Variants in PRKCE observed in about 807,000 individuals in gnomAD.
PRKCE encodes protein kinase C epsilon.
A neutral mutation model predicts 85.4 loss-of-function variants in PRKCE; 16 were observed. The ratio of observed to expected loss-of-function variants is 0.19; its 90% confidence interval spans 0.13 to 0.28. The LOEUF (loss-of-function observed/expected upper bound fraction) is 0.28. PRKCE is among the 10% of genes least tolerant of loss of function. PRKCE has a pLI of 1.00. For missense variants in PRKCE, 573 were observed against 975.2 expected (o/e 0.59, Z 5.49); for synonymous variants, 388 against 371.5 (o/e 1.04, Z -0.51).
chr2:46,016,290 C>T (rs1706137560), intron 10 of PRKCE, among the ~76,000 whole-genome samples: 2 of 152,124 alleles, frequency 1.3e-5, no homozygotes, highest in Admixed American at 6.5e-5. Context: ...AAGCTCTACT[C>T]TCTTGTGAAG....
rs1340743012 is a variant in PRKCE at position 45,697,070 on chromosome 2, G to A, written c.348+44622G>A. Among the ~76,000 whole-genome samples the A allele has an allele frequency of 1.3e-5, 2 of 152,216 alleles. No individual in the cohort carries two copies. Among genetic ancestry groups the A allele is most frequent in the Non-Finnish European group, 2.9e-5 (2 of 68,044 alleles). ...CAAACCTTTTTGTGACTACATTAAT[G>A]TCCATGGTAATATTAAAGATTATCC... On this transcript the variant is annotated intron_variant, in intron 1 of 14. Transcript: ENST00000306156. The surrounding 1 kb of genome is among the most constrained non-coding windows in gnomAD (Gnocchi z 4.2).
At chr2:46,123,337 T>A (rs1417232231) in intron 11 of PRKCE, among the ~76,000 whole-genome samples, 1 of 149,438 alleles carries the variant, frequency 6.7e-6, no homozygotes, top group Non-Finnish European at 1.5e-5. Flanking sequence ...TGTGGGGCAG[T>A]AGCTGACAAG....
intron 1 of PRKCE, among the ~76,000 whole-genome samples, chr2:45,655,590 C>A (rs1675339309): frequency 6.6e-6 from 1 of 152,010 alleles, no homozygotes; most frequent in Non-Finnish European, 1.5e-5. Flanking sequence ...ACTTGGGAGG[C>A]TGAGCTGGGA....
chr2:45,796,603 C>G (rs569097644), intron 1 of PRKCE, among the ~76,000 whole-genome samples: 43 of 152,278 alleles, frequency 2.8e-4, no homozygotes, highest in South Asian at 8.3e-4. Flanking sequence ...ACTTCACCTT[C>G]TCCACCTGCA....
chr2:45,947,439 A>G (rs982040306), intron 2 of PRKCE, among the ~76,000 whole-genome samples: 6 of 152,234 alleles, frequency 3.9e-5, no homozygotes, highest in Admixed American at 3.3e-4. Context: ...ATACAAAACC[A>G]GTGATGGTAT....
At chr2:46,009,166 C>T (rs1339181573) in intron 9 of PRKCE, among the ~76,000 whole-genome samples, 1 of 152,174 alleles carries the variant, frequency 6.6e-6, no homozygotes, top group Non-Finnish European at 1.5e-5. Flanking sequence ...AAAGGAATCA[C>T]GTTTCCAGCT....
At chr2:45,673,979 T>C (rs996254224) in intron 1 of PRKCE, among the ~76,000 whole-genome samples, 2 of 152,244 alleles carry the variant, frequency 1.3e-5, no homozygotes, top group African/African-American at 4.8e-5. Flanking sequence ...CTCTTGCTCC[T>C]TCTGTTCACA....
Position 45,765,492 on chromosome 2 carries a change from A to G in PRKCE, c.349-77508A>G, listed in dbSNP as rs373249935. Reference sequence around the variant, plus strand: ...TTCTCAAATTCTACTACCTCCCTGCAGGGCTGTTGTGCTGTGTGTAGCAAT... The same window carrying G: ...TTCTCAAATTCTACTACCTCCCTGCGGGGCTGTTGTGCTGTGTGTAGCAAT... On this transcript the variant is annotated intron_variant, in intron 1 of 14. Transcript: ENST00000306156. 4.6e-5 allele frequency among the ~76,000 whole-genome samples: 7 copies of G among 152,346 alleles called. No homozygotes were observed. The South Asian group carries it at 6.2e-4, about 14-fold the overall frequency.
intron 10 of PRKCE, among the ~76,000 whole-genome samples, chr2:46,027,393 A>AGG (rs1419143063): frequency 1.3e-5 from 2 of 152,150 alleles, no homozygotes; most frequent in Non-Finnish European, 2.9e-5. Context: ...AAGTCCAAAT[A>AGG]GGGACTGAAT....
At chr2:46,048,510 C>G (rs530248904) in intron 10 of PRKCE, among the ~76,000 whole-genome samples, 6 of 152,220 alleles carry the variant, frequency 3.9e-5, no homozygotes, top group Non-Finnish European at 5.9e-5. Context: ...TCCTACCGAG[C>G]AGATGACTTT....
chr2:46,106,158 G>T (rs1225257650), intron 11 of PRKCE, among the ~76,000 whole-genome samples: 2 of 152,018 alleles, frequency 1.3e-5, no homozygotes, highest in Non-Finnish European at 2.9e-5. Flanking sequence ...ATGTATTAGT[G>T]GACCTATGTA....
At chr2:45,999,437 A>G (rs1704486929) in intron 6 of PRKCE, among the ~76,000 whole-genome samples, 1 of 151,894 alleles carries the variant, frequency 6.6e-6, no homozygotes, top group South Asian at 2.1e-4. Context: ...GAGAGGTTGG[A>G]TGTAATTCTT....
At chr2:45,798,625 A>C (rs1474424104) in intron 1 of PRKCE, among the ~76,000 whole-genome samples, 1 of 152,200 alleles carries the variant, frequency 6.6e-6, no homozygotes, top group Non-Finnish European at 1.5e-5. Context: ...CAAAATATCA[A>C]GTTCAAGTTG....
At chr2:45,886,411 G>A (rs556959206) in intron 2 of PRKCE, among the ~76,000 whole-genome samples, 1 of 152,300 alleles carries the variant, frequency 6.6e-6, no homozygotes, top group East Asian at 1.9e-4. Flanking sequence ...GTGTGAAGAG[G>A]ATTTGCTTAG....
intron 11 of PRKCE, among the ~76,000 whole-genome samples, chr2:46,100,118 T>C (rs568270448): frequency 1.3e-5 from 2 of 152,316 alleles, no homozygotes; most frequent in South Asian, 4.1e-4. Flanking sequence ...GGGAATGCCT[T>C]GAAGAGCATC....
At chr2:45,693,628 G>A (rs984261236) in intron 1 of PRKCE, among the ~76,000 whole-genome samples, 6 of 152,182 alleles carry the variant, frequency 3.9e-5, no homozygotes, top group Admixed American at 1.3e-4. Flanking sequence ...GGATCTGACA[G>A]CTGATGTTCT....
At chr2:46,052,805 A>G (rs770521296) in intron 10 of PRKCE, among the ~76,000 whole-genome samples, 3 of 152,382 alleles carry the variant, frequency 2.0e-5, no homozygotes, top group Middle Eastern at 3.4e-3. Context: ...AGCACAGGAC[A>G]TATAGGTCAA....
rs1316378294 is a variant in PRKCE, at chr2:46,138,100, T to C, written c.1593-6993T>C. Among the ~76,000 whole-genome samples the C allele has an allele frequency of 6.6e-6, 1 of 152,188 alleles. No homozygotes were observed. The highest frequency in any genetic ancestry group is 2.4e-5 in the African/African-American group (1 of 41,442). The stretch of plus-strand genomic sequence containing the variant: ...TTTATAGAATATTTTAAAAGTACAT[T>C]GTTTAGGGAATTTCCTTTCTTGTCA... On this transcript the variant is annotated intron_variant, in intron 11 of 14. Coordinates refer to ENST00000306156, the MANE Select transcript of PRKCE (RefSeq NM_005400.3). This position sits in a 1 kb window ranked among gnomAD's most constrained non-coding sequence, Gnocchi z 4.2.
chr2:45,801,421 G>A (rs1245006237), intron 1 of PRKCE, among the ~76,000 whole-genome samples: 1 of 152,114 alleles, frequency 6.6e-6, no homozygotes, highest in African/African-American at 2.4e-5. Flanking sequence ...CAAAAACGGG[G>A]ACTGGGGCTG....
Sources: gnomAD v4.1 joint callset for allele counts (sites outside exome capture counted in the v4.1 genomes callset) on GRCh38, gnomAD v4.1.1 for gene constraint, Gnocchi (gnomAD v3.1) non-coding constraint, MANE v1.5 for transcripts, NCBI Gene and HGNC (gene_info 2026-07-23, HGNC 2026-07-21) for gene names.